Variants in CCDC126 observed in about 807,000 individuals in gnomAD.
CCDC126 encodes coiled-coil domain-containing protein 126.
CCDC126 carries 5 observed loss-of-function variants against 11.7 expected under a neutral mutation model. The ratio of observed to expected loss-of-function variants is 0.43; its 90% CI spans 0.22 to 0.90. The LOEUF (loss-of-function observed/expected upper bound fraction) is 0.90. CCDC126 is among the 40% of genes least tolerant of loss of function. CCDC126 has a pLI of 0.27. For missense variants in CCDC126, 150 were observed against 163.1 expected, an observed-to-expected ratio of 0.92 and a Z score of 0.44; for synonymous variants, 60 against 61.9, an observed-to-expected ratio of 0.97 and a Z score of 0.14.
intron 3 of CCDC126, among the ~76,000 whole-genome samples, chr7:23,638,315 C>A (rs1584220030): frequency 6.9e-6 from 1 of 144,568 alleles, no homozygotes; most frequent in Non-Finnish European, 1.5e-5. Context: ...CGGATGGTTG[C>A]CGGGTCTGTG....
At chr7:23,598,930 G>T (rs1782480821) in intron 2 of CCDC126, among the ~76,000 whole-genome samples, 1 of 152,126 alleles carries the variant, frequency 6.6e-6, no homozygotes. Flanking sequence ...TTCTAGCTCA[G>T]ACTTTCAATG....
intron 3 of CCDC126, among the ~76,000 whole-genome samples, chr7:23,615,210 T>C (rs1413291032): frequency 6.6e-6 from 1 of 152,248 alleles, no homozygotes; most frequent in Admixed American, 6.5e-5. Context: ...TAGCACTTGC[T>C]GCTTCACCTT....
chr7:23,634,080 G>A (rs1683188227), intron 3 of CCDC126, among the ~76,000 whole-genome samples: 1 of 152,142 alleles, frequency 6.6e-6, no homozygotes, highest in African/African-American at 2.4e-5. Context: ...ATTTAGACCT[G>A]CCTCTCTACA....
intron 3 of CCDC126, among the ~76,000 whole-genome samples, chr7:23,642,678 G>A (rs922907265): frequency 7.2e-5 from 11 of 151,756 alleles, no homozygotes; most frequent in East Asian, 3.9e-4. Context: ...CACGAGAATC[G>A]CTGGAACCCA....
chr7:23,611,186 T>G lies in CCDC126; in HGVS notation c.-130T>G. 1.5e-6 allele frequency: 1 copy of G among 654,464 alleles called. No individual in the cohort carries two copies. Among genetic ancestry groups the G allele is most frequent in the East Asian group, 2.6e-5 (1 of 39,184 alleles). 40.5% of individuals were successfully genotyped at this position (654,464 alleles called of 1,614,324 possible). Reference sequence around the variant, plus strand: ...AATTTTACAGAGTTAATAGAGTGGATACAACCTTGCTGAAGATGAAGAATA... The same window carrying G: ...AATTTTACAGAGTTAATAGAGTGGAGACAACCTTGCTGAAGATGAAGAATA... On this transcript the variant is annotated 5_prime_UTR_variant, in exon 3 of 4. Coordinates refer to ENST00000307471, the MANE Select transcript of CCDC126 (RefSeq NM_138771.4).
intron 3 of CCDC126, among the ~76,000 whole-genome samples, chr7:23,623,683 G>T (rs1366348355): frequency 6.6e-6 from 1 of 151,744 alleles, no homozygotes; most frequent in Non-Finnish European, 1.5e-5. Context: ...GAGTTCTGTT[G>T]TACAGTGTGG....
intron 3 of CCDC126, among the ~76,000 whole-genome samples, chr7:23,617,899 G>A (rs764696868): frequency 6.6e-6 from 1 of 152,156 alleles, no homozygotes; most frequent in Non-Finnish European, 1.5e-5. Context: ...ATCTAACTAA[G>A]GGACATGAAA....
intron 2 of CCDC126, 69 bp downstream of exon 2, chr7:23,598,120 A>G (rs1782461195): frequency 6.6e-6 from 1 of 152,278 alleles, no homozygotes. Flanking sequence ...TCAGCCAGCT[A>G]GGGTTCGAAT....
At chr7:23,600,470 T>C (rs1247421689) in intron 2 of CCDC126, among the ~76,000 whole-genome samples, 1 of 139,304 alleles carries the variant, frequency 7.2e-6, no homozygotes, top group Non-Finnish European at 1.5e-5. Flanking sequence ...CATTCCGGGG[T>C]CAAGTCTGTG....
At chr7:23,623,140 A>ATT (rs34633589) in intron 3 of CCDC126, among the ~76,000 whole-genome samples, 63 of 135,290 alleles carry the variant, frequency 4.7e-4, no homozygotes, top group Non-Finnish European at 3.0e-4. Context: ...TGCCCAGCTG[A>ATT]TTTTTTTTTT....
chr7:23,639,192 C>CT (rs1245503837), intron 3 of CCDC126, among the ~76,000 whole-genome samples: 1,762 of 137,130 alleles, frequency 0.013, 36 homozygotes, highest in African/African-American at 0.039. Context: ...TTTTTTATGT[C>CT]TTTTTTTTTT....
At chr7:23,628,337 C>T (rs1783048861) in intron 3 of CCDC126, among the ~76,000 whole-genome samples, 2 of 152,140 alleles carry the variant, frequency 1.3e-5, no homozygotes, top group Admixed American at 1.3e-4. Flanking sequence ...GTGTGTATTT[C>T]AGAGTTGGAG....
chr7:23,624,966 C>A (rs1782987838), intron 3 of CCDC126, among the ~76,000 whole-genome samples: 2 of 152,090 alleles, frequency 1.3e-5, no homozygotes, highest in South Asian at 4.1e-4. Context: ...CCTTAGCCAC[C>A]CAAGTAGCTG....
chr7:23,628,218 C>T (rs73687207), intron 3 of CCDC126, among the ~76,000 whole-genome samples: 1,898 of 152,110 alleles, frequency 0.012, 41 homozygotes, highest in African/African-American at 0.043. Flanking sequence ...TTCTTTCCAT[C>T]CAAATACAAC....
rs376060103 is a variant in CCDC126 at position 23,611,279 on chromosome 7, A to G, written c.-37A>G. The stretch of plus-strand genomic sequence containing the variant: ...GATTTGTGGCTTACCTCAAGTTACC[A>G]TTTTTCAGTCAAGTCTGTTTGTTTG... On this transcript the variant is annotated 5_prime_UTR_variant, in exon 3 of 4. Coordinates refer to ENST00000307471, the MANE Select transcript of CCDC126 (RefSeq NM_138771.4). 28 of 1,340,486 alleles carry G rather than the reference A, an allele frequency of 2.1e-5. No individual in the cohort carries two copies. The Admixed American group carries it at 3.7e-4, about 18-fold the overall frequency. 83.0% of individuals were successfully genotyped at this position (1,340,486 alleles called of 1,614,324 possible).
At chr7:23,625,821 A>T (rs911924170) in intron 3 of CCDC126, among the ~76,000 whole-genome samples, 1 of 151,408 alleles carries the variant, frequency 6.6e-6, no homozygotes, top group Non-Finnish European at 1.5e-5. Flanking sequence ...ACGCCCAGCT[A>T]ATTTTTTTTG....
chr7:23,623,624 T>C (rs1426015350), intron 3 of CCDC126, among the ~76,000 whole-genome samples: 1 of 151,220 alleles, frequency 6.6e-6, no homozygotes, highest in African/African-American at 2.4e-5. Flanking sequence ...TTAGTGATGG[T>C]CAAAGGGTAC....
intron 3 of CCDC126, among the ~76,000 whole-genome samples, chr7:23,630,857 A>C (rs1304342028): frequency 6.6e-6 from 1 of 152,006 alleles, no homozygotes; most frequent in Non-Finnish European, 1.5e-5. Context: ...ACAGTGTAGA[A>C]ATCAATAATG....
At chr7:23,633,793 C>T (rs1210468012) in intron 3 of CCDC126, among the ~76,000 whole-genome samples, 1 of 151,930 alleles carries the variant, frequency 6.6e-6, no homozygotes, top group Non-Finnish European at 1.5e-5. Flanking sequence ...GTCGAGGCTG[C>T]AATGAGCCGA....
Sources: gnomAD v4.1 joint callset for allele counts (sites outside exome capture counted in the v4.1 genomes callset) on GRCh38, gnomAD v4.1.1 for gene constraint, MANE v1.5 for transcripts, NCBI Gene and HGNC (gene_info 2026-07-23, HGNC 2026-07-21) for gene names.